The following GGA2 variants were observed in gnomAD, a reference collection of about 807,000 sequenced individuals.
The protein encoded by GGA2 is golgi associated, gamma adaptin ear containing, ARF binding protein 2.
Under a neutral mutation model 79.5 loss-of-function variants are expected in GGA2, and 48 were observed. That is an observed-to-expected ratio of 0.60 (90% CI 0.48 to 0.77). The LOEUF (loss-of-function observed/expected upper bound fraction) is 0.77. Ranked by LOEUF, GGA2 falls within the 30% of genes least tolerant of loss-of-function variation. The pLI is 0.00. For missense variants in GGA2, 770 were observed against 774.0 expected, an observed-to-expected ratio of 0.99 and a Z score of 0.06; for synonymous variants, 317 against 302.0, an observed-to-expected ratio of 1.05 and a Z score of -0.51.
At chr16:23,495,974 T>C (rs1052334462) in intron 1 of GGA2, among the ~76,000 whole-genome samples, 196 bp from the exon 2 acceptor site, 7 of 152,050 alleles carry the variant, frequency 4.6e-5, no homozygotes, top group African/African-American at 1.4e-4. Flanking sequence ...GGTATGCCCT[T>C]ACTGAATATT....
chr16:23,501,197 A>G (rs1413046846), intron 1 of GGA2: 1 of 447,032 alleles, frequency 2.2e-6, no homozygotes, highest in Admixed American at 2.5e-5. Context: ...TTCAAGTCAT[A>G]AAACTACAGC....
At chr16:23,486,984 GTTTT>G (rs35896041) in intron 6 of GGA2, among the ~76,000 whole-genome samples, 194 bp from the exon 7 acceptor site, 2 of 133,198 alleles carry the variant, frequency 1.5e-5, no homozygotes, top group African/African-American at 5.6e-5. Context: ...CTTTTCTGTT[GTTTT>G]TTTTTTTTTT....
chr16:23,491,582 G>A, intron 5 of GGA2, 95 bp downstream of exon 5: 1 of 1,021,216 alleles, frequency 9.8e-7, no homozygotes, highest in South Asian at 1.4e-5. Context: ...TACATAAGAA[G>A]TACAGCTTTC....
intron 4 of GGA2, among the ~76,000 whole-genome samples, chr16:23,493,072 T>C (rs1164132821): frequency 6.6e-6 from 1 of 152,212 alleles, no homozygotes; most frequent in East Asian, 1.9e-4. Context: ...GATCTCTCAC[T>C]GTCTCTATCA....
chr16:23,479,882 G>C lies in GGA2; in HGVS notation c.1012C>G (p.Gln338Glu). The change falls in exon 11 of 17, where the codon CAG becomes GAG. Residue 338 changes from glutamine (Q) to glutamate (E), a missense_variant. By Grantham distance (29) the Gln-to-Glu change is conservative (BLOSUM62 2). Transcript: ENST00000309859. Reference protein sequence around the residue: ...LGDIPVSRVFQNPAGCMKTCP... With the variant: ...LGDIPVSRVFENPAGCMKTCP... The stretch of plus-strand genomic sequence containing the variant: ...GTCTTCATGCAGCCTGCTGGATTCT[G>C]AAAGACTAGAAAGCCCAGGGTTAGG... 6.2e-7 allele frequency: 1 copy of C among 1,614,002 alleles called. No individual in the cohort carries two copies. The highest frequency in any genetic ancestry group is 8.5e-7 in the Non-Finnish European group (1 of 1,179,918).
intron 1 of GGA2, among the ~76,000 whole-genome samples, chr16:23,506,786 G>A (rs1025185937): frequency 6.6e-6 from 1 of 152,144 alleles, no homozygotes; most frequent in Non-Finnish European, 1.5e-5. Flanking sequence ...CAATACTCAG[G>A]TGGCAATGGT....
At chr16:23,478,597 G>T in intron 12 of GGA2, 96 bp from the exon 13 acceptor site, 2 of 1,217,666 alleles carry the variant, frequency 1.6e-6, no homozygotes, top group Non-Finnish European at 2.4e-6. Flanking sequence ...CACCCAAGCT[G>T]CTGTGGCCCA....
intron 5 of GGA2, among the ~76,000 whole-genome samples, chr16:23,489,303 T>C (rs1402561394): frequency 1.3e-5 from 2 of 152,236 alleles, no homozygotes; most frequent in Admixed American, 6.5e-5. Flanking sequence ...GGTGTGATCA[T>C]GGCTCGCTGC....
chr16:23,477,789 G>A (rs146182398), intron 13 of GGA2, among the ~76,000 whole-genome samples: 97 of 152,130 alleles, frequency 6.4e-4, no homozygotes, highest in Non-Finnish European at 9.6e-4. Context: ...TTTGCCTTCC[G>A]CCATGACTGG....
chr16:23,508,952 G>T (rs1047182825), intron 1 of GGA2, among the ~76,000 whole-genome samples: 4 of 152,058 alleles, frequency 2.6e-5, no homozygotes, highest in African/African-American at 9.7e-5. Context: ...TGCATTCCAA[G>T]GCACCGAGGC....
Position 23,510,309 on chromosome 16 carries a change from C to A in GGA2, c.91+12G>T, listed in dbSNP as rs1230314432. The A allele has an allele frequency of 7.0e-7, 1 of 1,422,678 alleles. No homozygotes were observed. The highest frequency in any genetic ancestry group is 9.2e-7 in the Non-Finnish European group (1 of 1,083,184). The allele number at this position is 1,422,678 out of a possible 1,614,324, so 88.1% of individuals were successfully genotyped here. ...CGCAGCGGCTGCGCCGAAGGCCTGC[C>A]AGGCTACTCACTGAGCCACAGCTCC... On this transcript the variant is annotated intron_variant, in intron 1 of 16. Transcript: ENST00000309859.
intron 1 of GGA2, among the ~76,000 whole-genome samples, chr16:23,508,038 C>G (rs543977575): frequency 1.5e-3 from 221 of 151,766 alleles, no homozygotes; most frequent in Middle Eastern, 6.8e-3. Flanking sequence ...CCACCTGAGG[C>G]AGCTACTTTC....
chr16:23,510,322 G>T lies in GGA2; in HGVS notation c.90C>A (p.Leu30=), dbSNP rs1071685. 1.6e-5 allele frequency: 23 copies of T among 1,433,898 alleles called. No homozygotes were observed. The highest frequency in any genetic ancestry group is 1.9e-5 in the Non-Finnish European group (21 of 1,093,282). 88.8% of individuals were successfully genotyped at this position (1,433,898 alleles called of 1,614,324 possible). Residue 30 remains leucine, a splice_region_variant and synonymous_variant, in exon 1 of 17, where the codon CTC becomes CTA. Transcript: ENST00000309859. ...PGPAASLELW[L]NKATDPSMSE... ...CCGAAGGCCTGCCAGGCTACTCACT[G>T]AGCCACAGCTCCAGCGACGCTGCCG...
intron 9 of GGA2, 137 bp from the exon 10 acceptor site, chr16:23,480,907 G>A: frequency 1.3e-6 from 1 of 791,082 alleles, no homozygotes; most frequent in Non-Finnish European, 2.1e-6. Flanking sequence ...TCCAGGTTGT[G>A]TCATCGGACC....
upstream of GGA2, among the ~76,000 whole-genome samples, chr16:23,512,947 C>T (rs1322041934): frequency 3.3e-5 from 5 of 152,006 alleles, no homozygotes; most frequent in African/African-American, 7.2e-5. Flanking sequence ...TCAGGTGATC[C>T]GCCCACCTCG....
At chr16:23,519,077 T>C (rs1481889952) in intron 2 of GGA2, among the ~76,000 whole-genome samples, 1 of 149,930 alleles carries the variant, frequency 6.7e-6, no homozygotes, top group African/African-American at 2.5e-5. Flanking sequence ...AGTCTTGCTC[T>C]GTCACCCTGG....
At chr16:23,498,380 T>C (rs1437887800) in intron 1 of GGA2, among the ~76,000 whole-genome samples, 1 of 151,710 alleles carries the variant, frequency 6.6e-6, no homozygotes, top group African/African-American at 2.4e-5. Flanking sequence ...TGAGCTATGA[T>C]TGTGCAACTG....
intron 1 of GGA2, among the ~76,000 whole-genome samples, chr16:23,499,630 G>A (rs1567368790): frequency 6.6e-6 from 1 of 152,056 alleles, no homozygotes; most frequent in Non-Finnish European, 1.5e-5. Flanking sequence ...AGAGGCCGAG[G>A]CGGGAAGATC....
intron 5 of GGA2, among the ~76,000 whole-genome samples, chr16:23,489,608 G>A (rs1555500072): frequency 1.3e-5 from 2 of 151,790 alleles, no homozygotes. Context: ...GAAATCTAAG[G>A]AAAAAAACAA....
Sources: gnomAD v4.1 joint callset for allele counts (sites outside exome capture counted in the v4.1 genomes callset) on GRCh38, gnomAD v4.1.1 for gene constraint, MANE v1.5 for transcripts, NCBI Gene and HGNC (gene_info 2026-07-23, HGNC 2026-07-21) for gene names.